Variants in LRP1B observed in about 807,000 individuals in gnomAD.
LRP1B encodes the protein LDL receptor related protein 1B, also known as low-density lipoprotein receptor-related protein 1B.
In LRP1B, 217 loss-of-function variants were observed where a neutral mutation model predicts 556.6. The observed-to-expected ratio is 0.39, with a 90% confidence interval of 0.35 to 0.44. LRP1B has a LOEUF of 0.44. Among genes scored for constraint, LRP1B ranks in the 20% least tolerant of loss-of-function variants. LRP1B has a pLI of 1.00. For missense variants in LRP1B, 5,053 were observed against 5,620.8 expected, an observed-to-expected ratio of 0.90 and a Z score of 3.23; for synonymous variants, 2,047 against 1,865.8, an observed-to-expected ratio of 1.10 and a Z score of -2.50.
intron 41 of LRP1B, among the ~76,000 whole-genome samples, chr2:140,613,370 A>AATAT (rs796568812): frequency 4.7e-5 from 4 of 84,732 alleles, no homozygotes; most frequent in Non-Finnish European, 1.2e-4. Context: ...TATAAATATA[A>AATAT]ATATATATAA....
chr2:140,795,175 A>C (rs571439725), intron 32 of LRP1B, among the ~76,000 whole-genome samples: 21 of 152,084 alleles, frequency 1.4e-4, no homozygotes, highest in Non-Finnish European at 2.9e-4. Flanking sequence ...TGTGTCACCT[A>C]CCTGTCTTTC....
chr2:141,835,059 C>T (rs10191193), intron 1 of LRP1B, among the ~76,000 whole-genome samples: 55,176 of 151,776 alleles, frequency 0.36, 10,966 homozygotes, highest in African/African-American at 0.51. Flanking sequence ...AATGTTACCA[C>T]ATTATTTCTT....
chr2:140,889,384 C>G (rs1693733223), intron 23 of LRP1B, among the ~76,000 whole-genome samples: 1 of 152,196 alleles, frequency 6.6e-6, no homozygotes, highest in Non-Finnish European at 1.5e-5. Flanking sequence ...AAACCTCTGC[C>G]TCCCAGCCTT....
intron 2 of LRP1B, among the ~76,000 whole-genome samples, chr2:141,790,502 A>G (rs1695578426): frequency 1.3e-5 from 2 of 152,006 alleles, no homozygotes; most frequent in African/African-American, 4.8e-5. Context: ...AGGTGCCCTC[A>G]TTTCTACCCA....
At chr2:140,388,832 T>A (rs1683882568) in intron 66 of LRP1B, among the ~76,000 whole-genome samples, 1 of 152,130 alleles carries the variant, frequency 6.6e-6, no homozygotes, top group Non-Finnish European at 1.5e-5. Context: ...AAATATCTCT[T>A]TGCCCAAACC....
rs778479674 is a variant in LRP1B at position 140,475,347 on chromosome 2, A to T, written c.9426-10T>A. On this transcript the variant is annotated splice_polypyrimidine_tract_variant and intron_variant, in intron 59 of 90. Transcript: ENST00000389484. ...AATCCAATACAAATATCTAGGAAAG[A>T]AAATCAATACTGATTTTGTTTACAG... 6.4e-6 allele frequency: 10 copies of T among 1,559,898 alleles called. No homozygotes were observed. In the East Asian group the frequency reaches 2.1e-4, roughly 33 times the overall value.
At chr2:140,779,178 T>A (rs1689601713) in intron 32 of LRP1B, among the ~76,000 whole-genome samples, 1 of 152,088 alleles carries the variant, frequency 6.6e-6, no homozygotes, top group Non-Finnish European at 1.5e-5. Flanking sequence ...AATATATGCA[T>A]GTAACATTTC....
intron 15 of LRP1B, among the ~76,000 whole-genome samples, chr2:140,997,363 C>T (rs1395446655): frequency 6.6e-6 from 1 of 151,852 alleles, no homozygotes; most frequent in African/African-American, 2.4e-5. Context: ...GTAGGAAATG[C>T]TGCTAATAAA....
rs6724284 is a variant in LRP1B, at chr2:141,864,600, C to A, written c.83-54199G>T. Among the ~76,000 whole-genome samples, 21 of 150,590 alleles carry A rather than the reference C, an allele frequency of 1.4e-4. No individual in the cohort carries two copies. In the East Asian group the frequency reaches 4.1e-3, roughly 29 times the overall value. ...AAAAACTTATGAAACTGGAGGAATG[C>A]GCCAGGCGCAGTGGCTCACGCCTGT... On this transcript the variant is annotated intron_variant, in intron 1 of 90. Coordinates refer to ENST00000389484, the MANE Select transcript of LRP1B (RefSeq NM_018557.3).
At chr2:141,268,376 T>C (rs1684967500) in intron 3 of LRP1B, among the ~76,000 whole-genome samples, 1 of 152,218 alleles carries the variant, frequency 6.6e-6, no homozygotes, top group Non-Finnish European at 1.5e-5. Flanking sequence ...CTTAGCTCTT[T>C]ACATTTCTAA....
rs573708290 is a variant in LRP1B, at chr2:141,771,734, T to C, written c.205+38545A>G. Reference sequence around the variant, plus strand: ...ATAGAAGATAAGTATGTGATAAGTGTGGAGCTCTTACAAAAGGAATTGGTG... The same window carrying C: ...ATAGAAGATAAGTATGTGATAAGTGCGGAGCTCTTACAAAAGGAATTGGTG... On this transcript the variant is annotated intron_variant, in intron 2 of 90. Transcript: ENST00000389484. 3.0e-4 allele frequency among the ~76,000 whole-genome samples: 45 copies of C among 152,314 alleles called. 1 individual carries two copies. Among genetic ancestry groups the C allele is most frequent in the South Asian group, 8.3e-4 (4 of 4,830 alleles).
At chr2:140,605,223 T>C (rs1475595113) in intron 41 of LRP1B, among the ~76,000 whole-genome samples, 1 of 152,126 alleles carries the variant, frequency 6.6e-6, no homozygotes, top group Non-Finnish European at 1.5e-5. Flanking sequence ...GTATAAAGCA[T>C]CCAAATCTTG....
intron 66 of LRP1B, among the ~76,000 whole-genome samples, chr2:140,401,618 G>A (rs1308216340): frequency 6.6e-6 from 1 of 152,078 alleles, no homozygotes; most frequent in East Asian, 1.9e-4. Context: ...TAAACTTTTG[G>A]GAGCTCTATG....
At chr2:140,829,983 A>T (rs1237157376) in intron 31 of LRP1B, among the ~76,000 whole-genome samples, 1 of 152,028 alleles carries the variant, frequency 6.6e-6, no homozygotes, top group Admixed American at 6.6e-5. Context: ...CGAACAACTA[A>T]ACACTAACAA....
intron 2 of LRP1B, among the ~76,000 whole-genome samples, chr2:141,535,187 G>A (rs1441525036): frequency 6.6e-6 from 1 of 152,080 alleles, no homozygotes; most frequent in East Asian, 1.9e-4. Flanking sequence ...ACTCAGGCTT[G>A]ACTGAGCAGA....
intron 25 of LRP1B, among the ~76,000 whole-genome samples, chr2:140,875,884 GTTATATTAAAT>G (rs1693289307): frequency 1.1e-4 from 17 of 152,060 alleles, no homozygotes; most frequent in Admixed American, 6.6e-5. Flanking sequence ...AATTATAATT[GTTATATTAAAT>G]TATTGTGTGC....
chr2:141,711,966 C>G (rs565915791), intron 2 of LRP1B, among the ~76,000 whole-genome samples: 13 of 151,808 alleles, frequency 8.6e-5, no homozygotes, highest in Non-Finnish European at 1.8e-4. Context: ...CACACACACA[C>G]ACACACACAA....
At chr2:141,568,297 T>C (rs1049198226) in intron 2 of LRP1B, among the ~76,000 whole-genome samples, 1 of 150,970 alleles carries the variant, frequency 6.6e-6, no homozygotes, top group African/African-American at 2.4e-5. Context: ...TTTTCAAAAT[T>C]AAAAAAATCA....
At chr2:141,111,717 GACCCCT>G (rs1700755609) in intron 7 of LRP1B, among the ~76,000 whole-genome samples, 1 of 152,100 alleles carries the variant, frequency 6.6e-6, no homozygotes, top group South Asian at 2.1e-4. Flanking sequence ...CTGCTCTCAA[GACCCCT>G]CTCTTTGCTG....
Sources: gnomAD v4.1 joint callset for allele counts (sites outside exome capture counted in the v4.1 genomes callset) on GRCh38, gnomAD v4.1.1 for gene constraint, MANE v1.5 for transcripts, NCBI Gene and HGNC (gene_info 2026-07-23, HGNC 2026-07-21) for gene names.